The following SPTBN2 variants were observed in gnomAD, a reference collection of about 807,000 sequenced individuals.
SPTBN2 encodes spectrin beta chain, non-erythrocytic 2.
Under a neutral mutation model 284.2 loss-of-function variants are expected in SPTBN2, and 107 were observed. The ratio of observed to expected loss-of-function variants is 0.38; its 90% CI spans 0.32 to 0.44. The LOEUF is 0.44. Ranked by LOEUF, SPTBN2 falls within the 20% of genes least tolerant of loss-of-function variation. The probability of loss-of-function intolerance (pLI) is 1.00; values close to 1 mark genes in which losing one functional copy is unlikely to be tolerated. For missense variants in SPTBN2, 2,569 were observed against 3,287.1 expected, an observed-to-expected ratio of 0.78 and a Z score of 5.34; for synonymous variants, 1,289 against 1,354.8, an observed-to-expected ratio of 0.95 and a Z score of 1.07.
rs1463251320 is a variant in SPTBN2 at position 66,684,503 on chromosome 11, C to T, written c.*1368G>A. Among the ~76,000 whole-genome samples, 4 of 152,026 alleles carry T rather than the reference C, an allele frequency of 2.6e-5. No homozygotes were observed. The highest frequency in any genetic ancestry group is 5.9e-5 in the Non-Finnish European group (4 of 68,012). Reference sequence around the variant, plus strand: ...AAACAGACTTAGTCGGGTATGATGGCATGTGCCTGTGGTTCAGGCTACTCG... The same window carrying T: ...AAACAGACTTAGTCGGGTATGATGGTATGTGCCTGTGGTTCAGGCTACTCG... On this transcript the variant is annotated 3_prime_UTR_variant, in exon 38 of 38. Coordinates refer to ENST00000533211, the MANE Select transcript of SPTBN2 (RefSeq NM_006946.4).
chr11:66,704,915 C>T lies in SPTBN2; in HGVS notation c.2361G>A (p.Arg787=). The T allele has an allele frequency of 6.2e-7, 1 of 1,611,734 alleles. No individual in the cohort carries two copies. The highest frequency in any genetic ancestry group is 8.5e-7 in the Non-Finnish European group (1 of 1,179,916). Residue 787 remains arginine, a synonymous_variant, in exon 15 of 38, where the codon AGG becomes AGA. Transcript: ENST00000533211. ...HDEFSTQALA[R]QHRALEEEIR... The stretch of plus-strand genomic sequence containing the variant: ...TCTCCTCCTCCAGGGCCCGATGCTG[C>T]CTGGCTAGAGCCTGCGTGGAGAACT...
In SPTBN2 at chr11:66,694,209, C is replaced by T. The variant is rs761295502; in HGVS notation, c.4433G>A (p.Arg1478Gln). The T allele has an allele frequency of 2.5e-5, 41 of 1,613,728 alleles. No homozygotes were observed. The highest frequency in any genetic ancestry group is 1.6e-4 in the Middle Eastern group (1 of 6,082). ...EKFRALCQPM[R>Q]ERCRRLQASR... is the part of the protein sequence containing the mutation. ...AGCCTGCAGGCGCCGGCAGCGTTCC[C>T]GCATGGGCTGGCACAAGGCCCTGAA... The change falls in exon 22 of 38, where the codon CGG becomes CAG. Residue 1478 changes from arginine to glutamine, a missense_variant. This residue lies in a region of SPTBN2 where 1,130 missense variants were observed against 1,317.3 expected (regional missense o/e 0.86). Coordinates refer to ENST00000533211, the MANE Select transcript of SPTBN2 (RefSeq NM_006946.4).
chr11:66,707,651 C>T lies in SPTBN2; in HGVS notation c.1518G>A (p.Gln506=), dbSNP rs760751505. The change falls in exon 13 of 38, where the codon CAG becomes CAA. Residue 506 remains glutamine (Q), a synonymous_variant. Transcript: ENST00000533211. This position sits in a 1 kb window ranked among gnomAD's most constrained non-coding sequence, Gnocchi z 4.9. ...AGTCCCAGAGCCGTGCCACGTTGTGCTGCCGAGCGGCGATGCGCTTGATGT... is the reference window on the plus strand; with the variant it reads ...AGTCCCAGAGCCGTGCCACGTTGTGTTGCCGAGCGGCGATGCGCTTGATGT... ...YHDIKRIAAR[Q]HNVARLWDFL... is the part of the protein sequence containing the mutation. 2 of 1,608,478 alleles carry T rather than the reference C, an allele frequency of 1.2e-6. No homozygotes were observed. Among genetic ancestry groups the T allele is most frequent in the South Asian group, 2.2e-5 (2 of 91,072 alleles).
At chr11:66,711,129 C>T in intron 8 of SPTBN2, 100 bp from the exon 9 acceptor site, 2 of 875,770 alleles carry the variant, frequency 2.3e-6, no homozygotes, top group Non-Finnish European at 3.9e-6. Context: ...CCAAGGCTGA[C>T]ATCTCTCCAT....
intron 1 of SPTBN2, among the ~76,000 whole-genome samples, chr11:66,742,143 G>A (rs1228794793): frequency 6.6e-6 from 1 of 152,094 alleles, no homozygotes; most frequent in Non-Finnish European, 1.5e-5. Flanking sequence ...CTTCTTCTTG[G>A]ATTCTCATTT....
At position 66,708,686 on chromosome 11, in the gene SPTBN2, A is replaced by C. The variant is rs892063304; in HGVS notation, c.1191+216T>G. On this transcript the variant is annotated intron_variant, in intron 11 of 37. Coordinates refer to ENST00000533211, the MANE Select transcript of SPTBN2 (RefSeq NM_006946.4). The surrounding 1 kb of genome is among the most constrained non-coding windows in gnomAD (Gnocchi z 4.4). ...TTTCCTTATGTGACCTCGTATGGAGAGTCAGACAAAGGGACAGGGAGCCGT... is the reference window on the plus strand; with the variant it reads ...TTTCCTTATGTGACCTCGTATGGAGCGTCAGACAAAGGGACAGGGAGCCGT... 6.6e-6 allele frequency among the ~76,000 whole-genome samples: 1 copy of C among 152,166 alleles called. No homozygotes were observed. Among genetic ancestry groups the C allele is most frequent in the Non-Finnish European group, 1.5e-5 (1 of 68,016 alleles).
chr11:66,691,359 G>T lies in SPTBN2; in HGVS notation c.5490C>A (p.Arg1830=), dbSNP rs201517114. The T allele has an allele frequency of 5.1e-6, 8 of 1,581,460 alleles. No homozygotes were observed. The highest frequency in any genetic ancestry group is 6.0e-6 in the Non-Finnish European group (7 of 1,159,968). The change falls in exon 27 of 38, where the codon CGC becomes CGA. Residue 1830 remains arginine, a synonymous_variant. Coordinates refer to ENST00000533211, the MANE Select transcript of SPTBN2 (RefSeq NM_006946.4). This position sits in a 1 kb window ranked among gnomAD's most constrained non-coding sequence, Gnocchi z 8.0. Reference sequence around the variant, plus strand: ...GCAGGGCCTCGGCAGCGTTGAGGTCGCGGCCAGTCCCGTCCGGAAGCTGCT... The same window carrying T: ...GCAGGGCCTCGGCAGCGTTGAGGTCTCGGCCAGTCCCGTCCGGAAGCTGCT... ...KQQQLPDGTG[R]DLNAAEALQR...
At position 66,686,109 on chromosome 11, in the gene SPTBN2, G is replaced by A. The variant is rs940379913; in HGVS notation, c.6940-5C>T. On this transcript the variant is annotated splice_polypyrimidine_tract_variant and splice_region_variant and intron_variant, in intron 37 of 37. Coordinates refer to ENST00000533211, the MANE Select transcript of SPTBN2 (RefSeq NM_006946.4). ...TAGCCACGAGCTCATCTCTGCCTGT[G>A]GATGGAAAGACCCTCAATCAGCTTC... The A allele has an allele frequency of 3.1e-6, 5 of 1,611,192 alleles. No individual in the cohort carries two copies. The South Asian group carries it at 5.5e-5, about 18-fold the overall frequency.
Position 66,686,975 on chromosome 11 carries a change from C to T in SPTBN2, c.6896+19G>A, listed in dbSNP as rs1267306762. On this transcript the variant is annotated intron_variant, in intron 36 of 37. Transcript: ENST00000533211. ...CCCAACTCTCCTCCCATCCCGAGAG[C>T]ACTGTTCCCTGTTCCTACCCCAGCT... 6.2e-7 allele frequency: 1 copy of T among 1,613,516 alleles called. No individual in the cohort carries two copies.
rs1434087353 is a variant in SPTBN2 at position 66,693,910 on chromosome 11, A to C, written c.4504-49T>G. On this transcript the variant is annotated intron_variant, in intron 22 of 37. Coordinates refer to ENST00000533211, the MANE Select transcript of SPTBN2 (RefSeq NM_006946.4). The surrounding 1 kb of genome is among the most constrained non-coding windows in gnomAD (Gnocchi z 5.7). Reference sequence around the variant, plus strand: ...TGGAGGCCCAGAGGGCAAGGCAAGCAGCAGGGACTGATTAGTGGGAGTGGG... The same window carrying C: ...TGGAGGCCCAGAGGGCAAGGCAAGCCGCAGGGACTGATTAGTGGGAGTGGG... 6.4e-7 allele frequency: 1 copy of C among 1,568,624 alleles called. No homozygotes were observed. The highest frequency in any genetic ancestry group is 1.1e-5 in the South Asian group (1 of 88,844).
At position 66,718,848 on chromosome 11, in the gene SPTBN2, G is replaced by C. The variant is rs1281568785; in HGVS notation, c.157+2236C>G. ...CGGTGAGAGGAGACAGGCGGCTCCA[G>C]ACAAACAGGTTGGACAGTGTTGGGG... On this transcript the variant is annotated intron_variant, in intron 3 of 37. Coordinates refer to ENST00000533211, the MANE Select transcript of SPTBN2 (RefSeq NM_006946.4). This position sits in a 1 kb window ranked among gnomAD's most constrained non-coding sequence, Gnocchi z 4.8. 2.0e-5 allele frequency among the ~76,000 whole-genome samples: 3 copies of C among 152,248 alleles called. No individual in the cohort carries two copies. The highest frequency in any genetic ancestry group is 6.5e-5 in the Admixed American group (1 of 15,292).
Position 66,699,624 on chromosome 11 carries a change from G to C in SPTBN2, c.3574-16C>G, listed in dbSNP as rs1329816922. 4 of 1,613,318 alleles carry C rather than the reference G, an allele frequency of 2.5e-6. No individual in the cohort carries two copies. The highest frequency in any genetic ancestry group is 3.4e-6 in the Non-Finnish European group (4 of 1,179,650). On this transcript the variant is annotated splice_polypyrimidine_tract_variant and intron_variant, in intron 17 of 37. Coordinates refer to ENST00000533211, the MANE Select transcript of SPTBN2 (RefSeq NM_006946.4). ...GAACATATTCCTGTGTGGGAGGGAT[G>C]ACATTCAGCTCATTTTCCCCAGCAC...
In SPTBN2 at chr11:66,704,901, A is replaced by G; in HGVS notation, c.2375T>C (p.Leu792Pro). 1 of 1,611,620 alleles carries G rather than the reference A, an allele frequency of 6.2e-7. No individual in the cohort carries two copies. The highest frequency in any genetic ancestry group is 8.5e-7 in the Non-Finnish European group (1 of 1,179,886). The change falls in exon 15 of 38, where the codon CTG (leucine) becomes CCG (proline). Residue 792 changes from leucine (L) to proline (P), a missense_variant. Transcript: ENST00000533211. ...CCGGTGGCTTCGAATCTCCTCCTCC[A>G]GGGCCCGATGCTGCCTGGCTAGAGC... ...TQALARQHRA[L>P]EEEIRSHRPT...
At chr11:66,730,323 C>T (rs190528533), upstream of SPTBN2, among the ~76,000 whole-genome samples, 7 of 151,816 alleles carry the variant, frequency 4.6e-5, 1 homozygote, top group African/African-American at 1.7e-4. Flanking sequence ...GTGGCTCACC[C>T]TTGTAATCCC....
chr11:66,744,152 C>A (rs1942931906), intron 1 of SPTBN2, among the ~76,000 whole-genome samples: 1 of 152,204 alleles, frequency 6.6e-6, no homozygotes, highest in African/African-American at 2.4e-5. Flanking sequence ...TGAGCCACTG[C>A]GCCCGGCCCA....
chr11:66,725,525 C>T (rs925973097), intron 1 of SPTBN2, among the ~76,000 whole-genome samples: 2 of 152,136 alleles, frequency 1.3e-5, no homozygotes, highest in Admixed American at 6.5e-5. Flanking sequence ...CGGCCAGCAG[C>T]CCCCCAGCTT....
intron 1 of SPTBN2, among the ~76,000 whole-genome samples, chr11:66,743,394 C>T (rs1565167829): frequency 6.6e-6 from 1 of 152,208 alleles, no homozygotes; most frequent in Non-Finnish European, 1.5e-5. Flanking sequence ...ACTCTGCCAG[C>T]TCGCCAGCCT....
At position 66,683,178 on chromosome 11, in the gene SPTBN2, C is replaced by G. The variant is rs1939898128; in HGVS notation, c.*2693G>C. Among the ~76,000 whole-genome samples, 1 of 151,236 alleles carries G rather than the reference C, an allele frequency of 6.6e-6. No homozygotes were observed. On this transcript the variant is annotated 3_prime_UTR_variant, in exon 38 of 38. Transcript: ENST00000533211. ...CGCCTCCCGGGTTCACGCCATTCTCCTGCCTCAGCCTCCCAAGTAGCTGGG... is the reference window on the plus strand; with the variant it reads ...CGCCTCCCGGGTTCACGCCATTCTCGTGCCTCAGCCTCCCAAGTAGCTGGG...
At chr11:66,737,757 C>T (rs112060644) in intron 1 of SPTBN2, among the ~76,000 whole-genome samples, 3,051 of 152,170 alleles carry the variant, frequency 0.02, 115 homozygotes, top group African/African-American at 0.068. Flanking sequence ...ACACTAAATA[C>T]ACTATGTAAA....
Sources: allele counts gnomAD v4.1 joint callset (sites outside exome capture counted in the v4.1 genomes callset), GRCh38; gene constraint gnomAD v4.1.1; regional missense constraint gnomAD v4.1.1; non-coding constraint Gnocchi (gnomAD v3.1); transcripts MANE v1.5; gene names NCBI Gene and HGNC (gene_info 2026-07-23, HGNC 2026-07-21).